The following GRIA4 variants were observed in gnomAD, a reference collection of about 807,000 sequenced individuals.
GRIA4 encodes the protein glutamate ionotropic receptor AMPA type subunit 4, also known as glutamate receptor 4.
Under a neutral mutation model 104.0 loss-of-function variants are expected in GRIA4, and 34 were observed. The observed-to-expected ratio is 0.33, with a 90% CI of 0.25 to 0.44. The LOEUF (loss-of-function observed/expected upper bound fraction) is 0.44, where lower values mean the gene tolerates loss of function less well. GRIA4 is among the 20% of genes least tolerant of loss of function. The pLI is 1.00. For missense variants in GRIA4, 750 were observed against 1,096.5 expected (o/e 0.68, Z 4.46); for synonymous variants, 386 against 381.9 (o/e 1.01, Z -0.13).
At chr11:105,645,989 C>T (rs1951516615) in intron 3 of GRIA4, among the ~76,000 whole-genome samples, 1 of 152,092 alleles carries the variant, frequency 6.6e-6, no homozygotes, top group East Asian at 1.9e-4. Context: ...AGGAGATTAC[C>T]TACAAGGCAA....
At chr11:105,852,659 C>G (rs1281584916) in intron 4 of GRIA4, among the ~76,000 whole-genome samples, 1 of 152,204 alleles carries the variant, frequency 6.6e-6, no homozygotes, top group African/African-American at 2.4e-5. Context: ...AATGTATTCA[C>G]TCTCAGTCCC....
chr11:105,876,827 C>G (rs901633371), intron 5 of GRIA4, among the ~76,000 whole-genome samples: 1 of 152,012 alleles, frequency 6.6e-6, no homozygotes, highest in African/African-American at 2.4e-5. Flanking sequence ...TGAGATGGGT[C>G]GCTGAATACA....
intron 4 of GRIA4, among the ~76,000 whole-genome samples, chr11:105,808,696 A>G (rs912485068): frequency 2.0e-5 from 3 of 152,112 alleles, no homozygotes; most frequent in African/African-American, 7.2e-5. Flanking sequence ...CTAAATATAA[A>G]TAAGTACATG....
At position 105,634,513 on chromosome 11, in the gene GRIA4, G is replaced by T. The variant is rs1443056205; in HGVS notation, c.247+22079G>T. Among the ~76,000 whole-genome samples, 4 of 69,364 alleles carry T rather than the reference G, an allele frequency of 5.8e-5. 1 individual carries two copies. In the East Asian group the frequency reaches 1.0e-3, roughly 18 times the overall value. The allele number at this position is 69,364 out of a possible 152,430, so 45.5% of individuals were successfully genotyped here. On this transcript the variant is annotated intron_variant, in intron 3 of 16. Coordinates refer to ENST00000282499, the MANE Select transcript of GRIA4 (RefSeq NM_000829.4). ...AGAAAGAAAGAAAGAAAGAAAGAAA[G>T]AAGAAAGAAAGAAAGAAAAGAAAGA...
chr11:105,876,822 TG>T, intron 5 of GRIA4, among the ~76,000 whole-genome samples: 1 of 152,196 alleles, frequency 6.6e-6, no homozygotes, highest in Non-Finnish European at 1.5e-5. Context: ...GCACATGAGA[TG>T]GGTCGCTGAA....
At position 105,696,194 on chromosome 11, in the gene GRIA4, T is replaced by A. The variant is rs10431053; in HGVS notation, c.248-56787T>A. Among the ~76,000 whole-genome samples, 215 of 152,302 alleles carry A rather than the reference T, an allele frequency of 1.4e-3. 4 individuals are homozygous for A. In the East Asian group the frequency reaches 0.033, roughly 23 times the overall value. On this transcript the variant is annotated intron_variant, in intron 3 of 16. Transcript: ENST00000282499. The stretch of plus-strand genomic sequence containing the variant: ...ACTGGTAAACTTAGAAGTTACTTCC[T>A]CTTTCAAGCTTCCCCTGAGCCCAAA...
At chr11:105,646,557 A>T (rs1301992802) in intron 3 of GRIA4, among the ~76,000 whole-genome samples, 1 of 152,222 alleles carries the variant, frequency 6.6e-6, no homozygotes, top group African/African-American at 2.4e-5. Flanking sequence ...ACAGGGCTAC[A>T]CTAACCTAAA....
At chr11:105,651,329 C>T (rs1171870240) in intron 3 of GRIA4, among the ~76,000 whole-genome samples, 1 of 150,938 alleles carries the variant, frequency 6.6e-6, no homozygotes, top group Admixed American at 6.6e-5. Flanking sequence ...AGCATTTGTG[C>T]ACTTATTTCT....
At chr11:105,731,544 A>C (rs1026973654) in intron 3 of GRIA4, among the ~76,000 whole-genome samples, 1 of 152,236 alleles carries the variant, frequency 6.6e-6, no homozygotes, top group Non-Finnish European at 1.5e-5. Context: ...CCAAAGGATT[A>C]TAAATCATTC....
intron 4 of GRIA4, among the ~76,000 whole-genome samples, chr11:105,799,174 C>T (rs112201748): frequency 1.3e-5 from 2 of 152,044 alleles, no homozygotes; most frequent in African/African-American, 4.8e-5. Flanking sequence ...TGTTTAGATG[C>T]CAAGTATCAA....
Position 105,887,524 on chromosome 11 carries a change from A to G in GRIA4, c.678A>G (p.Val226=). Residue 226 remains valine (V), a synonymous_variant, in exon 6 of 17, where the codon GTA becomes GTG. Transcript: ENST00000282499. ...ERLQNILEQI[V]SVGKHVKGYH... is the part of the protein sequence containing the mutation. ...ATTTGCTTATATCTTCACAGATTGT[A>G]AGTGTTGGAAAGCATGTTAAAGGCT... 7.3e-7 allele frequency: 1 copy of G among 1,372,414 alleles called. No individual in the cohort carries two copies. The highest frequency in any genetic ancestry group is 1.0e-6 in the Non-Finnish European group (1 of 975,054). The allele number at this position is 1,372,414 out of a possible 1,614,324, so 85.0% of individuals were successfully genotyped here.
chr11:105,786,243 A>C (rs773862844), intron 4 of GRIA4, among the ~76,000 whole-genome samples: 5 of 151,854 alleles, frequency 3.3e-5, no homozygotes, highest in Non-Finnish European at 7.4e-5. Context: ...CCACATTATG[A>C]CTCTTAAGAT....
chr11:105,901,208 T>C (rs917618867), intron 7 of GRIA4, among the ~76,000 whole-genome samples: 1 of 152,148 alleles, frequency 6.6e-6, no homozygotes, highest in Non-Finnish European at 1.5e-5. Flanking sequence ...ATAATCACAA[T>C]AGAGAGTCAC....
At position 105,738,563 on chromosome 11, in the gene GRIA4, C is replaced by T. The variant is rs79634739; in HGVS notation, c.248-14418C>T. Among the ~76,000 whole-genome samples the T allele has an allele frequency of 4.8e-3, 723 of 152,210 alleles. 8 individuals carry two copies. Among genetic ancestry groups the T allele is most frequent in the African/African-American group, 0.017 (688 of 41,546 alleles). On this transcript the variant is annotated intron_variant, in intron 3 of 16. Transcript: ENST00000282499. ...GTAATACTCATGAGAATAGTTGTTT[C>T]TAAAACCCACTCAAATATCTGCCCA...
intron 4 of GRIA4, among the ~76,000 whole-genome samples, chr11:105,778,357 T>C (rs1484279435): frequency 6.6e-6 from 1 of 152,200 alleles, no homozygotes; most frequent in Non-Finnish European, 1.5e-5. Context: ...AAACAGATCC[T>C]TGATGATTGC....
chr11:105,930,234 T>C (rs1025891256), intron 13 of GRIA4, among the ~76,000 whole-genome samples: 1 of 152,120 alleles, frequency 6.6e-6, no homozygotes, highest in Non-Finnish European at 1.5e-5. Flanking sequence ...ACAGGGCTAT[T>C]ACTTCCAGTC....
intron 14 of GRIA4, among the ~76,000 whole-genome samples, chr11:105,947,671 C>G (rs1171759877): frequency 6.6e-6 from 1 of 152,076 alleles, no homozygotes; most frequent in African/African-American, 2.4e-5. Flanking sequence ...ATGAAAGTGT[C>G]CAAACTAATA....
At chr11:105,612,227 T>C in intron 2 of GRIA4, 49 bp from the exon 3 acceptor site, 1 of 1,578,888 alleles carries the variant, frequency 6.3e-7, no homozygotes, top group South Asian at 1.1e-5. Context: ...GTGGGTATAA[T>C]GTTGACAAGA....
chr11:105,852,415 A>G (rs1234967273), intron 4 of GRIA4, among the ~76,000 whole-genome samples: 1 of 152,180 alleles, frequency 6.6e-6, no homozygotes, highest in Non-Finnish European at 1.5e-5. Context: ...AAAATCCTAC[A>G]TTAATCTTCT....
Sources: gnomAD v4.1 joint callset for allele counts (sites outside exome capture counted in the v4.1 genomes callset) on GRCh38, gnomAD v4.1.1 for gene constraint, MANE v1.5 for transcripts, NCBI Gene and HGNC (gene_info 2026-07-23, HGNC 2026-07-21) for gene names.